Variants in CAST observed in about 807,000 individuals in gnomAD.
CAST encodes calpastatin, also known as MIR583 host.
CAST carries 76 observed loss-of-function variants against 119.6 expected under a neutral mutation model. The observed-to-expected ratio is 0.64, with a 90% CI of 0.53 to 0.77. The LOEUF is 0.77. Among genes scored for constraint, CAST ranks in the 30% least tolerant of loss-of-function variants. CAST has a pLI of 0.00. For synonymous variants in CAST, 319 were observed against 331.6 expected, an observed-to-expected ratio of 0.96 and a Z score of 0.41; for missense variants, 953 against 946.5, an observed-to-expected ratio of 1.01 and a Z score of -0.09.
chr5:96,443,285 AC>A, the CAST span, among the ~76,000 whole-genome samples: 1 of 152,176 alleles, frequency 6.6e-6, no homozygotes, highest in East Asian at 1.9e-4. Flanking sequence ...ACATTTTAAA[AC>A]CTTTCCTATG....
At chr5:96,439,132 A>G in the CAST span, among the ~76,000 whole-genome samples, 1 of 152,212 alleles carries the variant, frequency 6.6e-6, no homozygotes, top group Admixed American at 6.6e-5. Flanking sequence ...TAAATGTGTT[A>G]AGTATACTTC....
intron 1 of CAST, among the ~76,000 whole-genome samples, chr5:96,548,615 C>T (rs1188903012): frequency 6.6e-6 from 1 of 152,024 alleles, no homozygotes; most frequent in African/African-American, 2.4e-5. Context: ...AATCAGGAAA[C>T]TCCTATTTCA....
At chr5:96,083,392 C>T in the CAST span, among the ~76,000 whole-genome samples, 1 of 152,126 alleles carries the variant, frequency 6.6e-6, no homozygotes, top group African/African-American at 2.4e-5. Flanking sequence ...TACCCATAGT[C>T]AGGGTTTTAT....
At chr5:96,049,914 A>AAAAAAAAAAG in the CAST span, among the ~76,000 whole-genome samples, 1 of 147,546 alleles carries the variant, frequency 6.8e-6, no homozygotes, top group Non-Finnish European at 1.5e-5. Flanking sequence ...AAAAAAAAAA[A>AAAAAAAAAAG]AAAGAAAAAG....
At chr5:96,445,172 G>C in the CAST span, among the ~76,000 whole-genome samples, 1 of 152,294 alleles carries the variant, frequency 6.6e-6, no homozygotes, top group East Asian at 1.9e-4. Context: ...ACACTTAACT[G>C]TGCCTGGTGT....
At chr5:96,117,863 G>A in the CAST span, among the ~76,000 whole-genome samples, 1 of 152,156 alleles carries the variant, frequency 6.6e-6, no homozygotes, top group Admixed American at 6.5e-5. Flanking sequence ...TCAGCCTGAT[G>A]TTCTTTTTCC....
intron 1 of CAST, among the ~76,000 whole-genome samples, chr5:96,667,685 AATAT>A (rs931018815): frequency 3.3e-5 from 5 of 152,212 alleles, no homozygotes; most frequent in African/African-American, 4.8e-5. Context: ...GTTAATCCTT[AATAT>A]ATATTAAGCA....
Position 96,770,602 on chromosome 5 carries a change from G to A in CAST, c.2340G>A (p.Lys780=). 6.2e-7 allele frequency: 1 copy of A among 1,602,968 alleles called. No homozygotes were observed. The highest frequency in any genetic ancestry group is 8.5e-7 in the Non-Finnish European group (1 of 1,170,336). Residue 780 remains lysine (K), a splice_region_variant and synonymous_variant, in exon 30 of 32, where the codon AAG becomes AAA. Coordinates refer to ENST00000675179, the MANE Select transcript of CAST (RefSeq NM_001750.7). ...GAGGTAAAGCGAAGGATTCAGCAAA[G>A]GTAAATGGAGCAGTAAATATACTAC... is the stretch of plus-strand genomic sequence containing the variant. ...KNGGKAKDSA[K]TTEETSKPKD...
At chr5:96,432,115 T>TC in the CAST span, 1 of 1,535,644 alleles carries the variant, frequency 6.5e-7, no homozygotes, top group Non-Finnish European at 8.7e-7. Context: ...ATAGATCCCT[T>TC]CCCCATAGTC....
the CAST span, among the ~76,000 whole-genome samples, chr5:96,508,726 G>T: frequency 2.0e-5 from 3 of 152,170 alleles, no homozygotes; most frequent in Non-Finnish European, 4.4e-5. Context: ...GGAAGGCACA[G>T]TTCCCCTTCC....
chr5:96,255,245 T>A, the CAST span, among the ~76,000 whole-genome samples: 1 of 152,220 alleles, frequency 6.6e-6, no homozygotes, highest in East Asian at 1.9e-4. Flanking sequence ...TCAAAATAAA[T>A]GCAGGAAACA....
Position 96,740,725 on chromosome 5 carries a change from C to A in CAST, c.880-20C>A, listed in dbSNP as rs1397371342. 2 of 1,584,202 alleles carry A rather than the reference C, an allele frequency of 1.3e-6. No individual in the cohort carries two copies. Among genetic ancestry groups the A allele is most frequent in the Non-Finnish European group, 1.7e-6 (2 of 1,152,860 alleles). On this transcript the variant is annotated intron_variant, in intron 12 of 31. Transcript: ENST00000675179. ...ATTAATTCTACCTTCTCAACATCAT[C>A]AAATTAATATTTGTTTCAGAAAAAG...
chr5:96,241,884 G>T, the CAST span, among the ~76,000 whole-genome samples: 1 of 144,510 alleles, frequency 6.9e-6, no homozygotes, highest in Non-Finnish European at 1.5e-5. Context: ...GTCTGTTCAT[G>T]TCCTTCGCCC....
At chr5:96,764,318 C>T (rs1769046470) in intron 25 of CAST, among the ~76,000 whole-genome samples, 1 of 152,116 alleles carries the variant, frequency 6.6e-6, no homozygotes, top group South Asian at 2.1e-4. Flanking sequence ...TCACATTTCA[C>T]GGCCAAGGAA....
At chr5:95,967,750 CTG>C in the CAST span, among the ~76,000 whole-genome samples, 4 of 152,206 alleles carry the variant, frequency 2.6e-5, no homozygotes, top group Non-Finnish European at 4.4e-5. Flanking sequence ...CCACACTGAA[CTG>C]TGAGTCAATT....
chr5:96,480,597 A>T, the CAST span, among the ~76,000 whole-genome samples: 1 of 152,214 alleles, frequency 6.6e-6, no homozygotes, highest in Admixed American at 6.5e-5. Context: ...AGGGAAAGTG[A>T]GATATGGCCT....
chr5:96,574,785 A>T (rs113334115), intron 1 of CAST, among the ~76,000 whole-genome samples: 5 of 152,318 alleles, frequency 3.3e-5, no homozygotes, highest in Non-Finnish European at 7.3e-5. Flanking sequence ...TGTCAAAAAG[A>T]CTGCTATCCT....
the CAST span, among the ~76,000 whole-genome samples, chr5:96,285,555 TG>T: frequency 1.3e-5 from 2 of 152,214 alleles, no homozygotes; most frequent in Non-Finnish European, 2.9e-5. Context: ...GTCCTCATAT[TG>T]GCATGAAGCT....
chr5:96,562,168 C>T (rs977778396), intron 1 of CAST, among the ~76,000 whole-genome samples: 3 of 149,132 alleles, frequency 2.0e-5, no homozygotes, highest in Non-Finnish European at 3.0e-5. Flanking sequence ...ATTTAGAAGG[C>T]GTTAATAAAA....
Sources: allele counts gnomAD v4.1 joint callset (sites outside exome capture counted in the v4.1 genomes callset), GRCh38; gene constraint gnomAD v4.1.1; transcripts MANE v1.5; gene names NCBI Gene and HGNC (gene_info 2026-07-23, HGNC 2026-07-21).